Variants in SH3RF2 observed in about 807,000 individuals in gnomAD.
SH3RF2 encodes the protein E3 ubiquitin-protein ligase SH3RF2.
A neutral mutation model predicts 59.0 loss-of-function variants in SH3RF2; 43 were observed. That is an observed-to-expected ratio of 0.73 (90% CI 0.57 to 0.94). SH3RF2 has a LOEUF of 0.94. Among genes scored for constraint, SH3RF2 ranks in the 40% least tolerant of loss-of-function variants. The pLI, the probability that SH3RF2 is intolerant of heterozygous loss-of-function variation, is 0.00. For missense variants in SH3RF2, 930 were observed against 940.1 expected, an observed-to-expected ratio of 0.99 and a Z score of 0.14; for synonymous variants, 391 against 391.5, an observed-to-expected ratio of 1.00 and a Z score of 0.01.
intron 2 of SH3RF2, among the ~76,000 whole-genome samples, chr5:145,968,748 C>T (rs1224753755): frequency 6.6e-6 from 1 of 152,174 alleles, no homozygotes; most frequent in Admixed American, 6.6e-5. Flanking sequence ...TTTTCAGTTA[C>T]AGCACATTAC....
rs147347178 is a variant in SH3RF2, at chr5:145,959,887, G to A, written c.378+21581G>A. ...ACCAGCATCACACGGAGGTGGAGAG[G>A]AGTCTTCCCAGGTCCTCTCTTTGGG... On this transcript the variant is annotated intron_variant, in intron 2 of 9. Coordinates refer to ENST00000359120, the MANE Select transcript of SH3RF2 (RefSeq NM_152550.4). 2.0e-3 allele frequency among the ~76,000 whole-genome samples: 306 copies of A among 152,074 alleles called. 2 individuals carry two copies. In the Middle Eastern group the frequency reaches 0.037, roughly 19 times the overall value.
At chr5:145,966,911 A>G (rs1181616998) in intron 2 of SH3RF2, among the ~76,000 whole-genome samples, 2 of 152,152 alleles carry the variant, frequency 1.3e-5, no homozygotes, top group Non-Finnish European at 2.9e-5. Context: ...AGTCCCAGCT[A>G]CTAGGGAGGC....
At chr5:146,016,819 C>T (rs750822458) in intron 5 of SH3RF2, among the ~76,000 whole-genome samples, 18 of 152,144 alleles carry the variant, frequency 1.2e-4, no homozygotes, top group Non-Finnish European at 2.5e-4. Flanking sequence ...TCTTCTCCAC[C>T]CACCCCCTCA....
chr5:145,997,196 C>T, intron 2 of SH3RF2: 1 of 794,652 alleles, frequency 1.3e-6, no homozygotes, highest in Non-Finnish European at 2.2e-6. Context: ...GTCAATGTCT[C>T]AGATTTTCAC....
intron 5 of SH3RF2, among the ~76,000 whole-genome samples, chr5:146,032,719 A>G (rs1338596247): frequency 6.6e-6 from 1 of 152,200 alleles, no homozygotes; most frequent in Non-Finnish European, 1.5e-5. Flanking sequence ...AAAGTTAGAC[A>G]AGTGTGCCCA....
chr5:146,049,681 C>A (rs1762425706), intron 7 of SH3RF2, among the ~76,000 whole-genome samples: 1 of 152,112 alleles, frequency 6.6e-6, no homozygotes, highest in African/African-American at 2.4e-5. Context: ...CGGGAAACTT[C>A]TCAGGCTGCT....
chr5:146,023,198 C>CT (rs1011642613), intron 5 of SH3RF2, among the ~76,000 whole-genome samples: 2 of 151,912 alleles, frequency 1.3e-5, no homozygotes, highest in East Asian at 1.9e-4. Flanking sequence ...CCCATACATT[C>CT]TTTTTTTCTT....
chr5:146,059,886 C>G lies in SH3RF2; in HGVS notation c.1576C>G (p.Leu526Val), dbSNP rs779922687. The change falls in exon 9 of 10, where the codon CTC (leucine) becomes GTC (valine). Residue 526 changes from leucine to valine, a missense_variant. Coordinates refer to ENST00000359120, the MANE Select transcript of SH3RF2 (RefSeq NM_152550.4). ...CCCAGATGGATCCCTGCAGAGACCC[C>G]TCCAGTCCGGGATCCCCACTCTCGT... ...MRKNGSLQRPLQSGIPTLVVG... is the reference protein window; with the variant it reads ...MRKNGSLQRPVQSGIPTLVVG... The G allele has an allele frequency of 5.6e-5, 84 of 1,495,846 alleles. 2 individuals are homozygous for G. In the South Asian group the frequency reaches 1.1e-3, roughly 20 times the overall value. 92.7% of individuals were successfully genotyped at this position (1,495,846 alleles called of 1,614,324 possible).
At chr5:146,060,797 T>A (rs1425708631) in intron 9 of SH3RF2, among the ~76,000 whole-genome samples, 1 of 152,220 alleles carries the variant, frequency 6.6e-6, no homozygotes, top group Non-Finnish European at 1.5e-5. Flanking sequence ...AACTACCTTA[T>A]TGTGACCTCT....
intron 5 of SH3RF2, among the ~76,000 whole-genome samples, chr5:146,041,649 T>C (rs1201675526): frequency 2.0e-5 from 3 of 152,194 alleles, no homozygotes; most frequent in Non-Finnish European, 4.4e-5. Flanking sequence ...AATGCAGCCC[T>C]AGGCCAGGCG....
chr5:146,056,271 A>G, intron 8 of SH3RF2, 58 bp downstream of exon 8: 1 of 1,608,696 alleles, frequency 6.2e-7, no homozygotes, highest in Non-Finnish European at 8.5e-7. Context: ...AATCTGACCC[A>G]GGGGTACACA....
chr5:145,982,273 T>C (rs1759533625), intron 2 of SH3RF2, among the ~76,000 whole-genome samples: 1 of 152,198 alleles, frequency 6.6e-6, no homozygotes, highest in African/African-American at 2.4e-5. Context: ...TTCATAAACA[T>C]TCATCCTCTC....
At chr5:145,988,737 G>A (rs1759814229) in intron 2 of SH3RF2, among the ~76,000 whole-genome samples, 1 of 152,178 alleles carries the variant, frequency 6.6e-6, no homozygotes, top group African/African-American at 2.4e-5. Flanking sequence ...TAAGATCACT[G>A]TGAGCTTTCT....
intron 2 of SH3RF2, among the ~76,000 whole-genome samples, chr5:145,990,608 C>T (rs892174289): frequency 2.0e-5 from 3 of 152,228 alleles, no homozygotes; most frequent in Admixed American, 1.3e-4. Flanking sequence ...TGCCTGCAAG[C>T]TCTTGTCTCT....
chr5:145,981,004 T>C (rs1173713855), intron 2 of SH3RF2, among the ~76,000 whole-genome samples: 1 of 152,212 alleles, frequency 6.6e-6, no homozygotes, highest in African/African-American at 2.4e-5. Flanking sequence ...GAAGATTCTA[T>C]TTTTTAGCAT....
In SH3RF2 at chr5:146,029,130, C is replaced by A. The variant is rs77728778; in HGVS notation, c.1059+15069C>A. ...AAAAGGAACTCATTTTGTGACAGAC[C>A]CAGTGCCACAGTCTTACATCCTCTG... On this transcript the variant is annotated intron_variant, in intron 5 of 9. Transcript: ENST00000359120. Among the ~76,000 whole-genome samples the A allele has an allele frequency of 2.5e-3, 386 of 152,296 alleles. 3 individuals are homozygous for A. Among genetic ancestry groups the A allele is most frequent in the African/African-American group, 8.9e-3 (371 of 41,548 alleles).
intron 9 of SH3RF2, among the ~76,000 whole-genome samples, chr5:146,078,196 C>G (rs1183778650): frequency 6.6e-6 from 1 of 152,182 alleles, no homozygotes; most frequent in Non-Finnish European, 1.5e-5. Context: ...TATCTCCTCA[C>G]AAGATACTTA....
chr5:146,034,464 C>A lies in SH3RF2; in HGVS notation c.1060-13308C>A, dbSNP rs185470409. Reference sequence around the variant, plus strand: ...AACTTCTGATTTCCGCAGAACCACACAGAGCCAGCAAGCATGCCATCCAGA... The same window carrying A: ...AACTTCTGATTTCCGCAGAACCACAAAGAGCCAGCAAGCATGCCATCCAGA... On this transcript the variant is annotated intron_variant, in intron 5 of 9. Transcript: ENST00000359120. 2.0e-5 allele frequency among the ~76,000 whole-genome samples: 3 copies of A among 152,346 alleles called. No individual in the cohort carries two copies. The East Asian group carries it at 5.8e-4, about 29-fold the overall frequency.
At chr5:146,043,598 C>G (rs1762197528) in intron 5 of SH3RF2, among the ~76,000 whole-genome samples, 1 of 152,208 alleles carries the variant, frequency 6.6e-6, no homozygotes, top group Admixed American at 6.5e-5. Flanking sequence ...TGCATCATCT[C>G]AAAAAGCTCT....
Sources: allele counts gnomAD v4.1 joint callset (sites outside exome capture counted in the v4.1 genomes callset), GRCh38; gene constraint gnomAD v4.1.1; transcripts MANE v1.5; gene names NCBI Gene and HGNC (gene_info 2026-07-23, HGNC 2026-07-21).